Variants in HUWE1 observed in about 807,000 individuals in gnomAD.
HUWE1 encodes HECT, UBA and WWE domain containing E3 ubiquitin protein ligase 1.
Under a neutral mutation model 299.4 loss-of-function variants are expected in HUWE1, and 18 were observed. The ratio of observed to expected loss-of-function variants is 0.06; its 90% CI spans 0.04 to 0.09. The LOEUF is 0.09. HUWE1 is among the 10% of genes least tolerant of loss of function. The pLI is 1.00. For missense variants in HUWE1, 1,832 were observed against 3,462.3 expected (o/e 0.53, Z 11.82); for synonymous variants, 1,317 against 1,286.1 (o/e 1.02, Z -0.51).
Position 53,537,463 on chromosome X carries a change from C to T in HUWE1, c.12137+93G>A, listed in dbSNP as rs184142842. ...GGAATTCCTATTAGGGAGGGCAGCA[C>T]CTCCCTAAATTTGAGGCTAGAGCAA... On this transcript the variant is annotated intron_variant, in intron 78 of 83. Coordinates refer to ENST00000262854, the MANE Select transcript of HUWE1 (RefSeq NM_031407.7). 6,037 of 946,089 alleles carry T rather than the reference C, an allele frequency of 6.4e-3. 24 individuals are homozygous for T. The highest frequency in any genetic ancestry group is 7.6e-3 in the Non-Finnish European group (5,073 of 668,538). 78.0% of individuals were successfully genotyped at this position (946,089 alleles called of 1,213,427 possible). A position where few individuals can be genotyped will look rare whatever the true frequency, so the allele number is the denominator to read the frequency against.
At position 53,552,308 on chromosome X, in the gene HUWE1, C is replaced by T; in HGVS notation, c.8881+3G>A. The T allele has an allele frequency of 1.7e-6, 2 of 1,211,393 alleles. No homozygotes were observed. Among genetic ancestry groups the T allele is most frequent in the Non-Finnish European group, 2.2e-6 (2 of 895,345 alleles). On this transcript the variant is annotated splice_donor_region_variant and intron_variant, in intron 63 of 83. Coordinates refer to ENST00000262854, the MANE Select transcript of HUWE1 (RefSeq NM_031407.7). ...GGATGACCTGGGCATACACGGAACT[C>T]ACCCGCAAGGGGATCTTCTTCTTCA...
At chrX:53,595,824 T>C (rs2064430078) in intron 29 of HUWE1, among the ~76,000 whole-genome samples, 1 of 111,611 alleles carries the variant, frequency 9.0e-6, no homozygotes, top group Admixed American at 9.5e-5. Flanking sequence ...ACAAAAAATA[T>C]GTAGTCCCAG....
chrX:53,532,246 TGAC>T lies in HUWE1; in HGVS notation c.*1060_*1062del, dbSNP rs1274403471. The T allele has an allele frequency of 1.8e-5, 2 of 111,788 alleles. No individual in the cohort carries two copies. Among genetic ancestry groups the T allele is most frequent in the Admixed American group, 9.5e-5 (1 of 10,504 alleles). The allele number at this position is 111,788 out of a possible 1,213,427, so 9.2% of individuals were successfully genotyped here. A position where few individuals can be genotyped will look rare whatever the true frequency, so the allele number is the denominator to read the frequency against. ...ATCTGTGAACAGACTGGCAGACAGATGACGAGAGAGGGAGTGACGACAACAAAA... is the reference window on the plus strand; with the variant it reads ...ATCTGTGAACAGACTGGCAGACAGATGAGAGAGGGAGTGACGACAACAAAA... On this transcript the variant is annotated 3_prime_UTR_variant, in exon 84 of 84. Transcript: ENST00000262854.
At chrX:53,577,766 C>T (rs1264118618) in intron 43 of HUWE1, among the ~76,000 whole-genome samples, 271 of 112,781 alleles carry the variant, frequency 2.4e-3, no homozygotes, top group Non-Finnish European at 4.0e-3. Flanking sequence ...GCGAGTGATC[C>T]GCCAGCCTCG....
chrX:53,579,802 A>C (rs1218421011), intron 43 of HUWE1: 2 of 100,728 alleles, frequency 2.0e-5, no homozygotes, highest in Non-Finnish European at 4.0e-5. Flanking sequence ...CCAGGGACAC[A>C]AACACTGCGG....
chrX:53,668,335 G>C (rs782756931), intron 3 of HUWE1, among the ~76,000 whole-genome samples: 2 of 108,614 alleles, frequency 1.8e-5, no homozygotes, highest in African/African-American at 6.7e-5. Context: ...CCAGCTACTC[G>C]GGAGGCCGAG....
chrX:53,534,793 G>A (rs2146778483), intron 81 of HUWE1, 96 bp from the exon 82 acceptor site: 1 of 747,145 alleles, frequency 1.3e-6, no homozygotes, highest in Non-Finnish European at 2.0e-6. Context: ...ACTGTTAGCT[G>A]GGACTACAGG....
intron 51 of HUWE1, 93 bp from the exon 52 acceptor site, chrX:53,563,914 T>C: frequency 2.1e-6 from 2 of 958,590 alleles, no homozygotes; most frequent in Non-Finnish European, 2.9e-6. Flanking sequence ...GCAGCATACA[T>C]TTCTAGGATA....
At chrX:53,618,103 A>G (rs1236646353) in intron 19 of HUWE1, among the ~76,000 whole-genome samples, 1 of 112,278 alleles carries the variant, frequency 8.9e-6, no homozygotes, top group Admixed American at 9.5e-5. Context: ...CTCAAGAGGA[A>G]ATAGTACAGC....
At chrX:53,564,996 G>A in intron 50 of HUWE1, 71 bp downstream of exon 50, 2 of 1,071,184 alleles carry the variant, frequency 1.9e-6, no homozygotes, top group South Asian at 3.7e-5. Context: ...CACCAAGCCA[G>A]AACAGTTGTG....
In HUWE1 at chrX:53,608,273, T is replaced by C. The variant is rs929772556; in HGVS notation, c.2320-574A>G. Among the ~76,000 whole-genome samples, 4 of 111,777 alleles carry C rather than the reference T, an allele frequency of 3.6e-5. No homozygotes were observed. In the East Asian group the frequency reaches 8.4e-4, roughly 23 times the overall value. Reference sequence around the variant, plus strand: ...CAAATGCTAAGAGGTCTCTCCCTTATTGGTAAACAATTCTGGGAAAATTCA... The same window carrying C: ...CAAATGCTAAGAGGTCTCTCCCTTACTGGTAAACAATTCTGGGAAAATTCA... On this transcript the variant is annotated intron_variant, in intron 24 of 83. Transcript: ENST00000262854.
Position 53,548,956 on chromosome X carries a change from C to T in HUWE1, c.10035+3G>A. On this transcript the variant is annotated splice_donor_region_variant and intron_variant, in intron 67 of 83. Transcript: ENST00000262854. ...CCCCAGGAGTTGGGTTTGAAACCCT[C>T]ACCTTGGCCAATTGAATGAGTGTAT... 8.4e-7 allele frequency: 1 copy of T among 1,190,508 alleles called. No individual in the cohort carries two copies. The highest frequency in any genetic ancestry group is 1.1e-6 in the Non-Finnish European group (1 of 884,067).
At chrX:53,553,021 T>C in intron 61 of HUWE1, 128 bp from the exon 62 acceptor site, 1 of 692,937 alleles carries the variant, frequency 1.4e-6, no homozygotes, top group Admixed American at 2.6e-5. Context: ...TCCCTTGCTG[T>C]CCCCCTCTCA....
At chrX:53,645,919 T>C (rs2068001411) in intron 6 of HUWE1, among the ~76,000 whole-genome samples, 1 of 107,767 alleles carries the variant, frequency 9.3e-6, no homozygotes, top group Non-Finnish European at 1.9e-5. Context: ...AAGAGACAAA[T>C]ACACATGTGG....
chrX:53,680,022 C>T (rs1466718399), intron 3 of HUWE1, 27 bp downstream of exon 3: 3 of 295,376 alleles, frequency 1.0e-5, no homozygotes, highest in Non-Finnish European at 1.8e-5. Flanking sequence ...AATACAAATA[C>T]TTCCCACAAG....
intron 23 of HUWE1, among the ~76,000 whole-genome samples, chrX:53,611,359 C>T (rs2065457680): frequency 9.0e-6 from 1 of 110,781 alleles, no homozygotes; most frequent in African/African-American, 3.3e-5. Context: ...CATGGATGAA[C>T]CTCCAAAACA....
At position 53,532,191 on chromosome X, in the gene HUWE1, G is replaced by A; in HGVS notation, c.*1118C>T. 1 of 111,634 alleles carries A rather than the reference G, an allele frequency of 9.0e-6. No individual in the cohort carries two copies. Among genetic ancestry groups the A allele is most frequent in the Non-Finnish European group, 1.9e-5 (1 of 53,146 alleles). The allele number at this position is 111,634 out of a possible 1,213,427, so 9.2% of individuals were successfully genotyped here. ...CTTAGATCAGCTTTAAGCACTGGAT[G>A]GAGTAAAAACCACAAGGGACTACAA... On this transcript the variant is annotated 3_prime_UTR_variant, in exon 84 of 84. Coordinates refer to ENST00000262854, the MANE Select transcript of HUWE1 (RefSeq NM_031407.7).
chrX:53,579,969 AAT>A (rs1246468905), intron 43 of HUWE1: 51 of 110,665 alleles, frequency 4.6e-4, no homozygotes, highest in African/African-American at 1.6e-3. Context: ...AAAAAAAAAA[AAT>A]AAAATAAAAA....
chrX:53,618,190 CA>C (rs1287433783), intron 19 of HUWE1, among the ~76,000 whole-genome samples: 2 of 111,152 alleles, frequency 1.8e-5, no homozygotes, highest in African/African-American at 6.5e-5. Flanking sequence ...AAAACGAAAG[CA>C]AAAAGGATAA....
Sources: allele counts gnomAD v4.1 joint callset (sites outside exome capture counted in the v4.1 genomes callset), GRCh38; gene constraint gnomAD v4.1.1; transcripts MANE v1.5; gene names NCBI Gene and HGNC (gene_info 2026-07-23, HGNC 2026-07-21).